Variants in ULK4 observed in about 807,000 individuals in gnomAD.
The protein encoded by ULK4 is unc-51 like kinase 4, also known as inactive serine/threonine-protein kinase ULK4.
A neutral mutation model predicts 160.6 loss-of-function variants in ULK4; 133 were observed. That is an observed-to-expected ratio of 0.83 (90% CI 0.72 to 0.96). The LOEUF (loss-of-function observed/expected upper bound fraction) is 0.96, where lower values mean the gene tolerates loss of function less well. Ranked by LOEUF, ULK4 falls within the 40% of genes least tolerant of loss-of-function variation. The pLI, the probability that ULK4 is intolerant of heterozygous loss-of-function variation, is 0.00. For missense variants in ULK4, 1,580 were observed against 1,499.5 expected (o/e 1.05, Z -0.89); for synonymous variants, 534 against 539.8 (o/e 0.99, Z 0.15).
At chr3:41,866,468 G>A (rs1196567485) in intron 17 of ULK4, among the ~76,000 whole-genome samples, 4 of 152,176 alleles carry the variant, frequency 2.6e-5, no homozygotes, top group Admixed American at 2.0e-4. Context: ...TTCATAAAGT[G>A]TGCACAACCT....
At chr3:41,774,822 C>T (rs2039541485) in intron 21 of ULK4, among the ~76,000 whole-genome samples, 1 of 150,456 alleles carries the variant, frequency 6.6e-6, no homozygotes, top group South Asian at 2.1e-4. Context: ...TGGAACCAAC[C>T]CAAATGTCCA....
At chr3:41,384,824 A>T (rs2081763228) in intron 35 of ULK4, among the ~76,000 whole-genome samples, 1 of 152,146 alleles carries the variant, frequency 6.6e-6, no homozygotes, top group Non-Finnish European at 1.5e-5. Flanking sequence ...ACCTCAGGTG[A>T]TCCACCCACC....
At chr3:41,293,650 T>G (rs190446139) in intron 35 of ULK4, among the ~76,000 whole-genome samples, 25 of 152,296 alleles carry the variant, frequency 1.6e-4, no homozygotes, top group African/African-American at 5.8e-4. Context: ...CTCAGCAACA[T>G]GCAAACCAAA....
At chr3:41,746,021 A>T (rs576163452) in intron 22 of ULK4, among the ~76,000 whole-genome samples, 2 of 151,298 alleles carry the variant, frequency 1.3e-5, no homozygotes, top group African/African-American at 4.9e-5. Flanking sequence ...CCACTGATAA[A>T]GAATATCTAC....
intron 35 of ULK4, among the ~76,000 whole-genome samples, chr3:41,257,685 A>G (rs2078860689): frequency 6.6e-6 from 1 of 151,904 alleles, no homozygotes; most frequent in Non-Finnish European, 1.5e-5. Flanking sequence ...AAACAATTGC[A>G]CTCTTGGATA....
In ULK4 at chr3:41,564,194, CTGCAGAACAGCAAATAA is replaced by C. The variant is rs552764270; in HGVS notation, c.3226+1814_3226+1830del. The stretch of plus-strand genomic sequence containing the variant: ...TTTGCCTGGGTATCACCAGCGGAGG[CTGCAGAACAGCAAATAA>C]TGCAGAACAGCAAATATTTTTGGCA... On this transcript the variant is annotated intron_variant, in intron 32 of 36. Coordinates refer to ENST00000301831, the MANE Select transcript of ULK4 (RefSeq NM_017886.4). Among the ~76,000 whole-genome samples the C allele has an allele frequency of 3.9e-4, 59 of 152,264 alleles. 1 individual carries two copies. In the South Asian group the frequency reaches 0.012, roughly 30 times the overall value.
intron 32 of ULK4, among the ~76,000 whole-genome samples, chr3:41,516,707 T>TG (rs2085759986): frequency 6.5e-5 from 1 of 15,318 alleles, no homozygotes; most frequent in African/African-American, 2.4e-4. Flanking sequence ...GGGGTGGGGG[T>TG]GGGGGAAGGT....
At chr3:41,851,377 G>C (rs571254887) in intron 17 of ULK4, among the ~76,000 whole-genome samples, 3 of 152,264 alleles carry the variant, frequency 2.0e-5, no homozygotes, top group Admixed American at 1.3e-4. Context: ...GCTGGATTAC[G>C]TTGATTGATT....
At chr3:41,830,988 C>A (rs1240333244) in intron 18 of ULK4, among the ~76,000 whole-genome samples, 1 of 149,890 alleles carries the variant, frequency 6.7e-6, no homozygotes, top group Non-Finnish European at 1.5e-5. Context: ...ATGTACATCG[C>A]ACAGGGAATG....
intron 18 of ULK4, among the ~76,000 whole-genome samples, chr3:41,829,859 C>T (rs563381015): frequency 2.2e-4 from 32 of 147,166 alleles, no homozygotes; most frequent in South Asian, 8.6e-4. Flanking sequence ...ATGTTTATTG[C>T]GGCATTATTC....
intron 32 of ULK4, among the ~76,000 whole-genome samples, chr3:41,525,680 C>T (rs781595153): frequency 6.6e-6 from 1 of 152,248 alleles, no homozygotes; most frequent in Non-Finnish European, 1.5e-5. Context: ...AATACTCTCA[C>T]TGGAATATGT....
intron 32 of ULK4, among the ~76,000 whole-genome samples, chr3:41,496,637 C>G (rs1363421878): frequency 6.6e-6 from 1 of 152,088 alleles, no homozygotes; most frequent in Non-Finnish European, 1.5e-5. Context: ...CTGCATAGTG[C>G]TGCCCTAGTC....
chr3:41,331,854 C>G (rs1176535824), intron 35 of ULK4, among the ~76,000 whole-genome samples: 1 of 152,124 alleles, frequency 6.6e-6, no homozygotes, highest in Non-Finnish European at 1.5e-5. Context: ...GCCTTATAAA[C>G]AGCAGGTGAT....
chr3:41,378,323 A>G (rs2081559740), intron 35 of ULK4, among the ~76,000 whole-genome samples: 2 of 151,772 alleles, frequency 1.3e-5, no homozygotes, highest in South Asian at 4.2e-4. Flanking sequence ...ATGTATACAT[A>G]TGTAACTAAC....
At chr3:41,881,936 C>G (rs1473270413) in intron 17 of ULK4, among the ~76,000 whole-genome samples, 5 of 152,156 alleles carry the variant, frequency 3.3e-5, no homozygotes, top group Non-Finnish European at 7.3e-5. Context: ...TGAGTGAGAA[C>G]AGGTAACAAA....
intron 2 of ULK4, among the ~76,000 whole-genome samples, chr3:41,946,836 T>A (rs1700127161): frequency 1.3e-5 from 2 of 152,256 alleles, no homozygotes; most frequent in Admixed American, 6.5e-5. Flanking sequence ...CTGATAAGCC[T>A]AAAAAGTATC....
intron 29 of ULK4, among the ~76,000 whole-genome samples, chr3:41,677,633 T>G (rs1342006374): frequency 6.6e-6 from 1 of 152,148 alleles, no homozygotes; most frequent in Non-Finnish European, 1.5e-5. Flanking sequence ...GCCCGGCCCC[T>G]AAAGTTCATT....
rs545217105 is a variant in ULK4 at position 41,486,373 on chromosome 3, A to G, written c.3227-23120T>C. Among the ~76,000 whole-genome samples, 9 of 152,308 alleles carry G rather than the reference A, an allele frequency of 5.9e-5. No homozygotes were observed. In the East Asian group the frequency reaches 1.5e-3, roughly 26 times the overall value. ...TAGAAAACCCATCAATGAACATTAAAGTGTGCAGAAATAAACAAAGGTAAC... is the reference window on the plus strand; with the variant it reads ...TAGAAAACCCATCAATGAACATTAAGGTGTGCAGAAATAAACAAAGGTAAC... On this transcript the variant is annotated intron_variant, in intron 32 of 36. Transcript: ENST00000301831.
At chr3:41,500,293 T>TC (rs1214413136) in intron 32 of ULK4, among the ~76,000 whole-genome samples, 1 of 151,624 alleles carries the variant, frequency 6.6e-6, no homozygotes, top group Non-Finnish European at 1.5e-5. Context: ...TTTTTTTTTT[T>TC]CCTACTGAAA....
Sources: allele counts gnomAD v4.1 joint callset (sites outside exome capture counted in the v4.1 genomes callset), GRCh38; gene constraint gnomAD v4.1.1; transcripts MANE v1.5; gene names NCBI Gene and HGNC (gene_info 2026-07-23, HGNC 2026-07-21).